Variants in PTCH1 observed in about 807,000 individuals in gnomAD.
The protein encoded by PTCH1 is protein patched homolog 1.
In PTCH1, 14 loss-of-function variants were observed where a neutral mutation model predicts 144.6. The ratio of observed to expected loss-of-function variants is 0.10; its 90% CI spans 0.06 to 0.15. The LOEUF (loss-of-function observed/expected upper bound fraction) is 0.15, where lower values mean the gene tolerates loss of function less well. Among genes scored for constraint, PTCH1 ranks in the 10% least tolerant of loss-of-function variants. The probability of loss-of-function intolerance (pLI) is 1.00; values close to 1 mark genes in which losing one functional copy is unlikely to be tolerated. For missense variants in PTCH1, 1,623 were observed against 1,948.3 expected, an observed-to-expected ratio of 0.83 and a Z score of 3.14; for synonymous variants, 833 against 793.6, an observed-to-expected ratio of 1.05 and a Z score of -0.83.
chr9:95,511,746 T>C (rs1844170137), upstream of PTCH1, among the ~76,000 whole-genome samples: 1 of 152,144 alleles, frequency 6.6e-6, no homozygotes. Flanking sequence ...GGAAAAGAGG[T>C]TTACTATTCT....
At chr9:95,497,234 G>C (rs1298975219) in intron 2 of PTCH1, among the ~76,000 whole-genome samples, 1 of 152,090 alleles carries the variant, frequency 6.6e-6, no homozygotes, top group Non-Finnish European at 1.5e-5. Flanking sequence ...TTCATGTTAG[G>C]CTATCTGGAA....
chr9:95,446,345 T>TG lies in PTCH1; in HGVS notation c.*47dup, dbSNP rs35853197. 6.3e-6 allele frequency: 3 copies of TG among 474,652 alleles called. No individual in the cohort carries two copies. Among genetic ancestry groups the TG allele is most frequent in the Admixed American group, 2.2e-5 (1 of 45,416 alleles). 29.4% of individuals were successfully genotyped at this position (474,652 alleles called of 1,614,324 possible). ...AAGCAGTTCTGGAAAGAGGTGGGGG[T>TG]GGGGGGTTTCCAATCTTTGGCCTCT... On this transcript the variant is annotated 3_prime_UTR_variant, in exon 24 of 24. Transcript: ENST00000331920.
At chr9:95,509,697 C>T (rs1225095073), upstream of PTCH1, among the ~76,000 whole-genome samples, 2 of 152,128 alleles carry the variant, frequency 1.3e-5, no homozygotes, top group Non-Finnish European at 2.9e-5. Context: ...TTCTGAAATT[C>T]CTCAAAGAAA....
At chr9:95,474,820 T>C (rs1840889479) in intron 12 of PTCH1, among the ~76,000 whole-genome samples, 1 of 152,150 alleles carries the variant, frequency 6.6e-6, no homozygotes, top group African/African-American at 2.4e-5. Context: ...ACTGGTCAAT[T>C]TCTCTTCCTG....
At chr9:95,492,523 T>C (rs887324037) in intron 2 of PTCH1, among the ~76,000 whole-genome samples, 1 of 152,140 alleles carries the variant, frequency 6.6e-6, no homozygotes, top group Non-Finnish European at 1.5e-5. Flanking sequence ...AAATATCGTA[T>C]AAAATTCCCT....
intron 5 of PTCH1, among the ~76,000 whole-genome samples, chr9:95,481,225 G>A (rs1841510898): frequency 6.6e-6 from 1 of 152,124 alleles, no homozygotes. Context: ...GTCATTATTC[G>A]GAATCTCCCA....
At chr9:95,478,338 G>T in intron 8 of PTCH1, 152 bp from the exon 9 acceptor site, 1 of 1,227,080 alleles carries the variant, frequency 8.1e-7, no homozygotes, top group Non-Finnish European at 1.2e-6. Context: ...AGGGAGAGAA[G>T]CTGAAGTTGG....
At chr9:95,479,943 T>G (rs370607848) in intron 7 of PTCH1, 26 bp downstream of exon 7, 2 of 1,614,166 alleles carry the variant, frequency 1.2e-6, no homozygotes, top group South Asian at 2.2e-5. Flanking sequence ...CTACAGGGCA[T>G]AGATTGTCCT....
rs757407034 is a variant in PTCH1, at chr9:95,458,322, CA to C, written c.2888-30del. ...GACAGAGAAGGGCACAGGTTAGGAG[CA>C]GCCCAGGGTAGAAGAGCATCACAGT... On this transcript the variant is annotated intron_variant, in intron 17 of 23. Coordinates refer to ENST00000331920, the MANE Select transcript of PTCH1 (RefSeq NM_000264.5). The surrounding 1 kb of genome is among the most constrained non-coding windows in gnomAD (Gnocchi z 4.7). 6.2e-7 allele frequency: 1 copy of C among 1,610,400 alleles called. No homozygotes were observed. The highest frequency in any genetic ancestry group is 8.5e-7 in the Non-Finnish European group (1 of 1,178,498).
chr9:95,471,931 G>C (rs1290938222), intron 12 of PTCH1, among the ~76,000 whole-genome samples: 1 of 152,220 alleles, frequency 6.6e-6, no homozygotes, highest in Admixed American at 6.5e-5. Flanking sequence ...CAGCTACTCG[G>C]GAGGCTGAGG....
At chr9:95,512,611 CT>C (rs1179695794), upstream of PTCH1, among the ~76,000 whole-genome samples, 1 of 152,158 alleles carries the variant, frequency 6.6e-6, no homozygotes, top group Non-Finnish European at 1.5e-5. Flanking sequence ...TCAATCTGCC[CT>C]TATTTACATT....
chr9:95,482,126 A>T lies in PTCH1; in HGVS notation c.654+8T>A. ...TGAGAAATTTTTGCCAACAAGAAGA[A>T]AATATACCTGATCCATGTAACCTGT... On this transcript the variant is annotated splice_region_variant and intron_variant, in intron 4 of 23. Transcript: ENST00000331920. The T allele has an allele frequency of 6.2e-7, 1 of 1,614,104 alleles. No individual in the cohort carries two copies. The highest frequency in any genetic ancestry group is 1.1e-5 in the South Asian group (1 of 91,078).
intron 16 of PTCH1, among the ~76,000 whole-genome samples, chr9:95,460,662 A>G (rs936349914): frequency 6.6e-6 from 1 of 152,038 alleles, no homozygotes; most frequent in East Asian, 1.9e-4. Flanking sequence ...TCCACAGGAT[A>G]TGTAACAACT....
chr9:95,462,987 C>T (rs904003218), intron 15 of PTCH1, among the ~76,000 whole-genome samples: 2 of 150,794 alleles, frequency 1.3e-5, no homozygotes, highest in South Asian at 2.1e-4. Context: ...CTCCGGGACA[C>T]CCCCCTCCCC....
intron 3 of PTCH1, among the ~76,000 whole-genome samples, chr9:95,485,172 C>T (rs185222628): frequency 2.6e-5 from 4 of 152,214 alleles, no homozygotes; most frequent in East Asian, 1.9e-4. Flanking sequence ...CATCACTGCA[C>T]TCCAGCCTGG....
chr9:95,452,909 G>A (rs1172843686), intron 20 of PTCH1: 2 of 168,852 alleles, frequency 1.2e-5, no homozygotes, highest in South Asian at 1.5e-4. Flanking sequence ...CCTATTGGGT[G>A]ATCCTTTGGC....
chr9:95,468,314 C>T (rs1452374710), intron 14 of PTCH1, among the ~76,000 whole-genome samples: 1 of 152,200 alleles, frequency 6.6e-6, no homozygotes, highest in African/African-American at 2.4e-5. Flanking sequence ...GCCTTGGCCT[C>T]CCAGAGTGCT....
intron 15 of PTCH1, among the ~76,000 whole-genome samples, chr9:95,463,885 G>T (rs57068466): frequency 1.2e-4 from 18 of 152,298 alleles, no homozygotes; most frequent in Non-Finnish European, 2.4e-4. Flanking sequence ...GGGACACACC[G>T]TGGTACCCAA....
At chr9:95,448,940 CTG>C in intron 22 of PTCH1, 127 bp downstream of exon 22, 1 of 1,321,116 alleles carries the variant, frequency 7.6e-7, no homozygotes, top group Non-Finnish European at 1.1e-6. Flanking sequence ...TTGACCTAGT[CTG>C]TACCTTATCT....
Sources: gnomAD v4.1 joint callset for allele counts (sites outside exome capture counted in the v4.1 genomes callset) on GRCh38, gnomAD v4.1.1 for gene constraint, Gnocchi (gnomAD v3.1) non-coding constraint, MANE v1.5 for transcripts, NCBI Gene and HGNC (gene_info 2026-07-23, HGNC 2026-07-21) for gene names.